Variants in NRXN3 observed in about 807,000 individuals in gnomAD.
NRXN3 encodes neurexin 3, also known as neurexin III.
NRXN3 carries 32 observed loss-of-function variants against 137.6 expected under a neutral mutation model. The ratio of observed to expected loss-of-function variants is 0.23; its 90% CI spans 0.18 to 0.31. The LOEUF is 0.31. NRXN3 is among the 10% of genes least tolerant of loss of function. The probability of loss-of-function intolerance (pLI) is 1.00; values close to 1 mark genes in which losing one functional copy is unlikely to be tolerated. For synonymous variants in NRXN3, 798 were observed against 784.5 expected, an observed-to-expected ratio of 1.02 and a Z score of -0.29; for missense variants, 1,574 against 2,062.5, an observed-to-expected ratio of 0.76 and a Z score of 4.59.
intron 15 of NRXN3, among the ~76,000 whole-genome samples, chr14:79,083,852 G>C (rs1054436326): frequency 6.6e-6 from 1 of 152,162 alleles, no homozygotes; most frequent in African/African-American, 2.4e-5. Context: ...GCTAAGTTTT[G>C]TTGTGATATG....
intron 4 of NRXN3, among the ~76,000 whole-genome samples, chr14:78,363,616 G>GCTCCA (rs1454844456): frequency 2.4e-4 from 37 of 152,240 alleles, no homozygotes; most frequent in African/African-American, 8.4e-4. Flanking sequence ...CCATTGCAGT[G>GCTCCA]CTCCACTCAG....
At chr14:79,203,397 A>G (rs901264389) in intron 15 of NRXN3, among the ~76,000 whole-genome samples, 7 of 152,216 alleles carry the variant, frequency 4.6e-5, no homozygotes, top group Non-Finnish European at 1.0e-4. Flanking sequence ...TAGATTTGAT[A>G]AACATACTTT....
chr14:79,395,317 A>G (rs61993116), intron 15 of NRXN3, among the ~76,000 whole-genome samples: 4,726 of 152,266 alleles, frequency 0.031, 119 homozygotes, highest in Middle Eastern at 0.071. Context: ...GAGCCAAAAT[A>G]TTTATGAACT....
chr14:78,664,805 A>T (rs1038494883), intron 6 of NRXN3, among the ~76,000 whole-genome samples: 4 of 152,202 alleles, frequency 2.6e-5, no homozygotes, highest in African/African-American at 9.7e-5. Flanking sequence ...ACAAAGATTT[A>T]TGTAGATTGC....
chr14:78,716,179 A>C (rs1320347143), intron 8 of NRXN3, among the ~76,000 whole-genome samples: 1 of 152,184 alleles, frequency 6.6e-6, no homozygotes, highest in Non-Finnish European at 1.5e-5. Flanking sequence ...CCCGATTTAC[A>C]GTTTAAGTAA....
chr14:78,477,170 C>T (rs556158432), intron 4 of NRXN3, among the ~76,000 whole-genome samples: 37 of 152,268 alleles, frequency 2.4e-4, no homozygotes, highest in African/African-American at 8.2e-4. Flanking sequence ...TTGTCTTTTT[C>T]TTTTTTCCAT....
At position 78,327,892 on chromosome 14, in the gene NRXN3, G is replaced by A. The variant is rs192581820; in HGVS notation, c.757+30032G>A. 2.6e-5 allele frequency among the ~76,000 whole-genome samples: 4 copies of A among 152,272 alleles called. No individual in the cohort carries two copies. The East Asian group carries it at 7.7e-4, about 29-fold the overall frequency. ...GGAGGTGCTAAAGGAGGATCCAGGGGAATGTAGAGCAGTTGGAGGTCCAGC... is the reference window on the plus strand; with the variant it reads ...GGAGGTGCTAAAGGAGGATCCAGGGAAATGTAGAGCAGTTGGAGGTCCAGC... On this transcript the variant is annotated intron_variant, in intron 4 of 20. Transcript: ENST00000335750.
rs762264384 is a variant in NRXN3, at chr14:79,861,709, G to A, written c.4461G>A (p.Glu1487=). 3 of 1,614,114 alleles carry A rather than the reference G, an allele frequency of 1.9e-6. No homozygotes were observed. In the East Asian group the frequency reaches 6.7e-5, roughly 36 times the overall value. The change falls in exon 21 of 21, where the codon GAG becomes GAA. Residue 1487 remains glutamate (E), a synonymous_variant. Coordinates refer to ENST00000335750, the MANE Select transcript of NRXN3 (RefSeq NM_001330195.2). The surrounding 1 kb of genome is among the most constrained non-coding windows in gnomAD (Gnocchi z 5.4). ...PGIRRVPGAS[E]VIRESSSTTG... is the part of the protein sequence containing the mutation. ...TCAGACGGGTTCCGGGGGCCTCAGA[G>A]GTGATCCGGGAGTCGAGCAGCACAA...
intron 4 of NRXN3, among the ~76,000 whole-genome samples, chr14:78,547,539 T>A (rs1165200935): frequency 1.3e-5 from 2 of 152,138 alleles, no homozygotes; most frequent in African/African-American, 2.4e-5. Flanking sequence ...CTAATTGAAG[T>A]TGTATTAAAT....
intron 10 of NRXN3, among the ~76,000 whole-genome samples, chr14:78,869,237 A>G (rs154310): frequency 0.16 from 24,413 of 152,036 alleles, 3,621 homozygotes; most frequent in African/African-American, 0.39. Flanking sequence ...TCAATTGTCA[A>G]TTTTACCTTT....
chr14:79,083,620 G>A (rs1033271396), intron 15 of NRXN3, among the ~76,000 whole-genome samples: 5 of 152,168 alleles, frequency 3.3e-5, no homozygotes, highest in African/African-American at 9.7e-5. Context: ...CGCTGTTATC[G>A]TTGTCATGTT....
chr14:79,006,500 T>C (rs2152367342), intron 15 of NRXN3, among the ~76,000 whole-genome samples: 1 of 152,326 alleles, frequency 6.6e-6, no homozygotes, highest in South Asian at 2.1e-4. Context: ...ACTGGTGAAA[T>C]GGCAAACATT....
At chr14:79,140,573 C>CTGTGTGTGTGTGTG (rs3035591) in intron 15 of NRXN3, among the ~76,000 whole-genome samples, 29 of 143,926 alleles carry the variant, frequency 2.0e-4, no homozygotes, top group East Asian at 1.7e-3. Context: ...CCCCACCTCA[C>CTGTGTGTGTGTGTG]TGTGTGTGTG....
At chr14:78,784,375 G>A (rs2098781796) in intron 8 of NRXN3, among the ~76,000 whole-genome samples, 1 of 152,182 alleles carries the variant, frequency 6.6e-6, no homozygotes, top group Admixed American at 6.5e-5. Context: ...GGGCTGTAAT[G>A]GACAAGGAGG....
intron 15 of NRXN3, among the ~76,000 whole-genome samples, chr14:79,127,902 A>C (rs925466418): frequency 2.6e-5 from 4 of 150,990 alleles, no homozygotes; most frequent in African/African-American, 9.7e-5. Flanking sequence ...ATCCCTTGTA[A>C]GTTGGATTCC....
At chr14:78,892,774 CTGTGTGTGTGTGTGTG>C (rs58718552) in intron 10 of NRXN3, among the ~76,000 whole-genome samples, 3 of 140,068 alleles carry the variant, frequency 2.1e-5, no homozygotes, top group African/African-American at 5.2e-5. Flanking sequence ...CCCCCATCTT[CTGTGTGTGTGTGTGTG>C]TGTGTGTGTG....
chr14:78,478,570 T>C (rs147192514), intron 4 of NRXN3, among the ~76,000 whole-genome samples: 53 of 152,306 alleles, frequency 3.5e-4, no homozygotes, highest in Non-Finnish European at 6.5e-4. Flanking sequence ...AGAAAGCCTT[T>C]CTAAGAGCCT....
intron 15 of NRXN3, among the ~76,000 whole-genome samples, chr14:79,008,973 T>C (rs112815931): frequency 0.022 from 3,393 of 152,186 alleles, 110 homozygotes; most frequent in African/African-American, 0.063. Flanking sequence ...TTTTTTCTGT[T>C]GCTCTTCAAG....
chr14:79,095,994 C>T (rs2050251526), intron 15 of NRXN3, among the ~76,000 whole-genome samples: 2 of 152,106 alleles, frequency 1.3e-5, no homozygotes, highest in Non-Finnish European at 1.5e-5. Context: ...TTACCAGTCT[C>T]CCAGTTGTGA....
Sources: allele counts gnomAD v4.1 joint callset (sites outside exome capture counted in the v4.1 genomes callset), GRCh38; gene constraint gnomAD v4.1.1; non-coding constraint Gnocchi (gnomAD v3.1); transcripts MANE v1.5; gene names NCBI Gene and HGNC (gene_info 2026-07-23, HGNC 2026-07-21).